Variants in TEP1 observed in about 807,000 individuals in gnomAD.
TEP1 encodes telomerase protein component 1.
TEP1 carries 241 observed loss-of-function variants against 306.3 expected under a neutral mutation model. The observed-to-expected ratio is 0.79, with a 90% CI of 0.71 to 0.88. The LOEUF is 0.88. Ranked by LOEUF, TEP1 falls within the 40% of genes least tolerant of loss-of-function variation. TEP1 has a pLI of 0.00. For missense variants in TEP1, 3,051 were observed against 3,276.1 expected (o/e 0.93, Z 1.68); for synonymous variants, 1,289 against 1,305.5 (o/e 0.99, Z 0.27).
rs1876881723 is a variant in TEP1, at chr14:20,384,115, C to G, written c.3457G>C (p.Val1153Leu). ...CCGTGGGGCAGCATCAGCCGTTGCACTGTGTCCTGAAGAAGGCGTGGCCGG... is the reference window on the plus strand; with the variant it reads ...CCGTGGGGCAGCATCAGCCGTTGCAGTGTGTCCTGAAGAAGGCGTGGCCGG... ...PARPRLLQDT[V>L]QRLMLPHGRL... The change falls in exon 24 of 55, where the codon GTG becomes CTG. Residue 1153 changes from valine (V) to leucine (L), a missense_variant. Coordinates refer to ENST00000262715, the MANE Select transcript of TEP1 (RefSeq NM_007110.5). 1 of 1,614,124 alleles carries G rather than the reference C, an allele frequency of 6.2e-7. No individual in the cohort carries two copies.
At chr14:20,384,562 C>T (rs755022287) in intron 22 of TEP1, 38 bp downstream of exon 22, 21 of 1,613,578 alleles carry the variant, frequency 1.3e-5, no homozygotes, top group Non-Finnish European at 1.7e-5. Flanking sequence ...CCTCTCACCA[C>T]ATCTCTGTAC....
chr14:20,378,789 G>A lies in TEP1; in HGVS notation c.5317C>T (p.Leu1773=), dbSNP rs1188255842. The stretch of plus-strand genomic sequence containing the variant: ...CCTCCCAAGCACACGGTGGCTAGCA[G>A]CCGGCAGTCTGGGCTCAGGCAGCAG... ...TGCCLSPDCR[L]LATVCLGGCL... is the part of the protein sequence containing the mutation. Residue 1773 remains leucine (L), a synonymous_variant, in exon 37 of 55, where the codon CTG becomes TTG. Transcript: ENST00000262715. The A allele has an allele frequency of 1.7e-5, 27 of 1,614,090 alleles. No individual in the cohort carries two copies. The highest frequency in any genetic ancestry group is 2.1e-5 in the Non-Finnish European group (25 of 1,180,036).
chr14:20,409,456 C>T (rs968974274), intron 1 of TEP1, among the ~76,000 whole-genome samples: 3 of 152,186 alleles, frequency 2.0e-5, no homozygotes, highest in African/African-American at 7.2e-5. Context: ...CCTAGATCTC[C>T]CTTCTGAGCT....
In TEP1 at chr14:20,408,350, G is replaced by T. The variant is rs955513282; in HGVS notation, c.90C>A (p.Pro30=). 6.2e-6 allele frequency: 10 copies of T among 1,613,904 alleles called. No individual in the cohort carries two copies. The Admixed American group carries it at 6.7e-5, about 11-fold the overall frequency. The change falls in exon 2 of 55, where the codon CCC becomes CCA. Residue 30 remains proline (P), a synonymous_variant. Coordinates refer to ENST00000262715, the MANE Select transcript of TEP1 (RefSeq NM_007110.5). ...ATACATGCTGATGTAGTTTCTCCAAGGGCTGTAAGTCAGGGAGCATAGCCA... is the reference window on the plus strand; with the variant it reads ...ATACATGCTGATGTAGTTTCTCCAATGGCTGTAAGTCAGGGAGCATAGCCA... ...RCLAMLPDLQ[P]LEKLHQHVST... is the part of the protein sequence containing the mutation.
At chr14:20,400,470 A>C (rs1421542497) in intron 9 of TEP1, among the ~76,000 whole-genome samples, 6 of 150,542 alleles carry the variant, frequency 4.0e-5, no homozygotes, top group African/African-American at 1.2e-4. Flanking sequence ...AAACGAAAGA[A>C]AGAGCCTGCT....
Position 20,366,506 on chromosome 14 carries a change from C to T in TEP1, c.*1931G>A, listed in dbSNP as rs576252574. 1 of 152,306 alleles carries T rather than the reference C, an allele frequency of 6.6e-6. No individual in the cohort carries two copies. Among genetic ancestry groups the T allele is most frequent in the African/African-American group, 2.4e-5 (1 of 41,554 alleles). The allele number at this position is 152,306 out of a possible 1,614,324, so 9.4% of individuals were successfully genotyped here. ...ATGGTCCAGAAGGTATATTTCGAGGCTTGGCATGAGGCACATAAGAGAAGA... is the reference window on the plus strand; with the variant it reads ...ATGGTCCAGAAGGTATATTTCGAGGTTTGGCATGAGGCACATAAGAGAAGA... On this transcript the variant is annotated 3_prime_UTR_variant, in exon 55 of 55. Transcript: ENST00000262715.
chr14:20,385,178 G>T (rs1313035763), intron 20 of TEP1, 69 bp from the exon 21 acceptor site: 4 of 1,586,252 alleles, frequency 2.5e-6, no homozygotes, highest in African/African-American at 1.3e-5. Flanking sequence ...ACCTGCCAAG[G>T]CCCCAGGACT....
intron 37 of TEP1, 71 bp downstream of exon 37, chr14:20,378,683 T>C (rs769119746): frequency 5.0e-5 from 79 of 1,586,738 alleles, no homozygotes; most frequent in Non-Finnish European, 6.8e-5. Context: ...TCTGCCGCAC[T>C]GAGAGAACAA....
Position 20,376,181 on chromosome 14 carries a change from G to A in TEP1, c.6172C>T (p.Arg2058Trp), listed in dbSNP as rs149869458. The A allele has an allele frequency of 1.1e-4, 178 of 1,614,160 alleles. 1 individual carries two copies. In the East Asian group the frequency reaches 1.2e-3, roughly 11 times the overall value. ...AEDFPCGTEL[R>W]GHEGPVSCCS... is the part of the protein sequence containing the mutation. ...CAGCTCACAGGGCCCTCATGTCCCC[G>A]CAGCTCAGTGCCACAGGGAAAGTCT... The change falls in exon 42 of 55, where the codon CGG (arginine) becomes TGG (tryptophan). Residue 2058 changes from arginine to tryptophan, a missense_variant. Physicochemically the swap from Arg to Trp is moderately radical, Grantham distance 101. Transcript: ENST00000262715.
chr14:20,408,696 A>T (rs948930567), intron 1 of TEP1, among the ~76,000 whole-genome samples: 1 of 152,198 alleles, frequency 6.6e-6, no homozygotes, highest in Non-Finnish European at 1.5e-5. Context: ...GGCCAGGTGC[A>T]GTGGCTCATG....
intron 3 of TEP1, 77 bp downstream of exon 3, chr14:20,406,156 G>A: frequency 2.7e-6 from 4 of 1,477,180 alleles, no homozygotes; most frequent in Non-Finnish European, 3.7e-6. Flanking sequence ...ACTGGGGAGG[G>A]GACCTGGTTC....
intron 9 of TEP1, among the ~76,000 whole-genome samples, chr14:20,400,497 C>CAAAAAAAAAA (rs71108598): frequency 1.2e-5 from 1 of 85,468 alleles, no homozygotes; most frequent in African/African-American, 3.5e-5. Context: ...AAAAGTAGAC[C>CAAAAAAAAAA]AAAAAAAAAA....
chr14:20,370,655 C>T (rs1022077536), intron 51 of TEP1, among the ~76,000 whole-genome samples: 1 of 152,094 alleles, frequency 6.6e-6, no homozygotes, highest in South Asian at 2.1e-4. Flanking sequence ...TTCTTGTACC[C>T]GGCTTTGCAG....
At chr14:20,407,171 A>G (rs1218783031) in intron 2 of TEP1, among the ~76,000 whole-genome samples, 1 of 152,254 alleles carries the variant, frequency 6.6e-6, no homozygotes, top group Admixed American at 6.5e-5. Flanking sequence ...GTGGACGTGT[A>G]TTTGCACATG....
At position 20,383,625 on chromosome 14, in the gene TEP1, G is replaced by A. The variant is rs1876802995; in HGVS notation, c.3730C>T (p.Gln1244Ter). 3.7e-6 allele frequency: 6 copies of A among 1,613,512 alleles called. No individual in the cohort carries two copies. Among genetic ancestry groups the A allele is most frequent in the South Asian group, 1.1e-5 (1 of 90,938 alleles). Residue 1244 changes from glutamine (Q) to a stop codon, truncating the protein, a stop_gained, in exon 26 of 55, where the codon CAG becomes TAG. Transcript: ENST00000262715. LOFTEE classifies it high-confidence loss of function. Reference sequence around the variant, plus strand: ...GCAGACTTGGGCAGCAGCCTCTGCTGCAGCTCCCACACCAGGCTTCTGTAC... The same window carrying A: ...GCAGACTTGGGCAGCAGCCTCTGCTACAGCTCCCACACCAGGCTTCTGTAC... ...STYRSLVWELQQRLLPKSAES... is the reference protein window; with the variant it reads ...STYRSLVWEL
chr14:20,407,680 A>AATGTAGAT, intron 2 of TEP1, among the ~76,000 whole-genome samples, 193 bp downstream of exon 2: 1 of 152,216 alleles, frequency 6.6e-6, no homozygotes, highest in Non-Finnish European at 1.5e-5. Flanking sequence ...CAATATCTCC[A>AATGTAGAT]ATGTAGATAT....
intron 12 of TEP1, among the ~76,000 whole-genome samples, chr14:20,393,326 TAA>T (rs1172390416): frequency 1.3e-5 from 2 of 152,248 alleles, no homozygotes; most frequent in African/African-American, 2.4e-5. Context: ...TGTGCATATT[TAA>T]AGTTTTTTAT....
In TEP1 at chr14:20,381,373, A is replaced by G. The variant is rs754834071; in HGVS notation, c.4587T>C (p.Asp1529=). 2 of 1,614,202 alleles carry G rather than the reference A, an allele frequency of 1.2e-6. No individual in the cohort carries two copies. The highest frequency in any genetic ancestry group is 2.2e-5 in the East Asian group (1 of 44,884). ...GGCAACTTCGGAAGGTGCCTGAGGC[A>G]TCAGCGTCACATGTCTTCCAGAGCT... is the stretch of plus-strand genomic sequence containing the variant. The part of the protein sequence containing the change: ...AAQLWKTCDA[D]ASGTFRSCPP... The change falls in exon 32 of 55, where the codon GAT becomes GAC. Residue 1529 remains aspartate, a synonymous_variant. Transcript: ENST00000262715. The surrounding 1 kb of genome is among the most constrained non-coding windows in gnomAD (Gnocchi z 4.0).
In TEP1 at chr14:20,373,089, A is replaced by C; in HGVS notation, c.6873T>G (p.Asp2291Glu). ...GATTTCCAGATACTGCCATGGAACC[A>C]TCTGGTGCCCAAGCCACAGCAGTGA... ...AAVTAVAWAP[D>E]GSMAVSGNQA... The change falls in exon 48 of 55, where the codon GAT (aspartate) becomes GAG (glutamate). Residue 2291 changes from aspartate to glutamate, a missense_variant. Physicochemically the swap from Asp to Glu is conservative, Grantham distance 45. Around this residue, in one of 3 missense-constraint regions of TEP1, gnomAD observed 1,540 missense variants for 1,705.9 expected, o/e 0.90. Coordinates refer to ENST00000262715, the MANE Select transcript of TEP1 (RefSeq NM_007110.5). 1 of 1,614,240 alleles carries C rather than the reference A, an allele frequency of 6.2e-7. No individual in the cohort carries two copies. Among genetic ancestry groups the C allele is most frequent in the Non-Finnish European group, 8.5e-7 (1 of 1,180,036 alleles).
Sources: allele counts gnomAD v4.1 joint callset (sites outside exome capture counted in the v4.1 genomes callset), GRCh38; gene constraint gnomAD v4.1.1; regional missense constraint gnomAD v4.1.1; non-coding constraint Gnocchi (gnomAD v3.1); transcripts MANE v1.5; gene names NCBI Gene and HGNC (gene_info 2026-07-23, HGNC 2026-07-21).